NFIA: variants seen among roughly 807,000 people sequenced by gnomAD.
NFIA encodes nuclear factor I A.
A neutral mutation model predicts 62.8 loss-of-function variants in NFIA; 8 were observed. The ratio of observed to expected loss-of-function variants is 0.13; its 90% confidence interval spans 0.07 to 0.23. The LOEUF is 0.23. NFIA is among the 10% of genes least tolerant of loss of function. The probability of loss-of-function intolerance (pLI) is 1.00; values close to 1 mark genes in which losing one functional copy is unlikely to be tolerated. For synonymous variants in NFIA, 235 were observed against 238.1 expected, an observed-to-expected ratio of 0.99 and a Z score of 0.12; for missense variants, 410 against 642.1, an observed-to-expected ratio of 0.64 and a Z score of 3.91.
chr1:61,386,404 C>A (rs1664689306), intron 7 of NFIA, among the ~76,000 whole-genome samples: 1 of 152,142 alleles, frequency 6.6e-6, no homozygotes, highest in Non-Finnish European at 1.5e-5. Context: ...AAAAGAATGT[C>A]CTTTATCAGG....
chr1:61,108,957 T>C (rs1646650211), intron 2 of NFIA, among the ~76,000 whole-genome samples: 2 of 151,764 alleles, frequency 1.3e-5, no homozygotes, highest in South Asian at 4.1e-4. Context: ...ATGAATTAAT[T>C]ATTTTAGGTA....
At chr1:61,080,590 T>C (rs533567887), upstream of NFIA, among the ~76,000 whole-genome samples, 240 of 152,288 alleles carry the variant, frequency 1.6e-3, no homozygotes, top group Admixed American at 4.2e-3. Flanking sequence ...CCAGGGATGT[T>C]GTCTCTGTAA....
intron 1 of NFIA, among the ~76,000 whole-genome samples, chr1:61,086,509 T>A (rs1646221904): frequency 6.6e-6 from 1 of 152,184 alleles, no homozygotes; most frequent in Non-Finnish European, 1.5e-5. Flanking sequence ...GCACACGTGT[T>A]ACAAAAGCTG....
At chr1:61,194,200 A>G (rs1215243450) in intron 2 of NFIA, among the ~76,000 whole-genome samples, 1 of 152,210 alleles carries the variant, frequency 6.6e-6, no homozygotes, top group East Asian at 1.9e-4. Flanking sequence ...TTAAGATGTC[A>G]TAAAAACACT....
intron 2 of NFIA, among the ~76,000 whole-genome samples, chr1:61,241,218 C>T (rs751802229): frequency 1.2e-4 from 19 of 152,068 alleles, no homozygotes; most frequent in Admixed American, 5.9e-4. Flanking sequence ...TGATGTCAAT[C>T]GTGGCTGTGT....
intron 2 of NFIA, among the ~76,000 whole-genome samples, chr1:61,221,219 A>T (rs1233972863): frequency 4.0e-5 from 6 of 151,664 alleles, no homozygotes; most frequent in African/African-American, 7.3e-5. Flanking sequence ...TAAAAATTAC[A>T]TTCTCTATTT....
intron 10 of NFIA, among the ~76,000 whole-genome samples, chr1:61,440,831 G>A (rs1212588958): frequency 3.3e-5 from 5 of 152,034 alleles, no homozygotes; most frequent in Non-Finnish European, 7.4e-5. Context: ...CATGTGCCCT[G>A]TACCATTTTC....
chr1:61,402,033 CTTT>C (rs10636290), intron 7 of NFIA, among the ~76,000 whole-genome samples: 1 of 94,568 alleles, frequency 1.1e-5, no homozygotes, highest in African/African-American at 4.1e-5. Context: ...ACTCATTTTT[CTTT>C]TTTTTTTTTT....
intron 2 of NFIA, among the ~76,000 whole-genome samples, chr1:61,091,847 TTG>T (rs1646326123): frequency 6.6e-6 from 1 of 151,062 alleles, no homozygotes; most frequent in African/African-American, 2.5e-5. Flanking sequence ...TGGAGAGTTG[TTG>T]TTTTTTTTTT....
intron 2 of NFIA, among the ~76,000 whole-genome samples, chr1:61,178,148 C>A (rs1650523489): frequency 6.6e-6 from 1 of 152,114 alleles, no homozygotes. Flanking sequence ...AGCTGAGGTA[C>A]CTGTGGCATT....
Position 61,099,047 on chromosome 1 carries a change from A to G in NFIA, c.559+10367A>G, listed in dbSNP as rs577548208. On this transcript the variant is annotated intron_variant, in intron 2 of 10. Transcript: ENST00000403491. ...GCCCCTGGCCCCAGAAAAGACGACA[A>G]ACATGCAAAATGGATAAATGTAATC... Among the ~76,000 whole-genome samples the G allele has an allele frequency of 1.2e-4, 19 of 152,382 alleles. No homozygotes were observed. In the South Asian group the frequency reaches 2.7e-3, roughly 22 times the overall value.
intron 3 of NFIA, among the ~76,000 whole-genome samples, chr1:61,321,930 C>A (rs1438383370): frequency 6.6e-6 from 1 of 152,134 alleles, no homozygotes; most frequent in Non-Finnish European, 1.5e-5. Context: ...TAATTAAATG[C>A]TACCCTTCCT....
chr1:61,262,963 T>G (rs1342784501), intron 2 of NFIA, among the ~76,000 whole-genome samples: 1 of 152,230 alleles, frequency 6.6e-6, no homozygotes, highest in Non-Finnish European at 1.5e-5. Flanking sequence ...GTTTCACCTT[T>G]AATTCTTGAA....
chr1:61,405,976 C>T (rs1364071419), intron 8 of NFIA, among the ~76,000 whole-genome samples: 1 of 152,146 alleles, frequency 6.6e-6, no homozygotes, highest in East Asian at 1.9e-4. Context: ...TGATGTTATA[C>T]AATATGTGAA....
At chr1:61,312,167 A>G (rs1266951393) in intron 3 of NFIA, among the ~76,000 whole-genome samples, 2 of 152,238 alleles carry the variant, frequency 1.3e-5, no homozygotes, top group Non-Finnish European at 2.9e-5. Flanking sequence ...AAGCCTGCCT[A>G]TGTAGACTTG....
chr1:61,162,573 C>T (rs995893538), intron 2 of NFIA, among the ~76,000 whole-genome samples: 2 of 152,150 alleles, frequency 1.3e-5, no homozygotes, highest in African/African-American at 4.8e-5. Context: ...ACCAGGGTTC[C>T]ACGGGCACTA....
chr1:61,255,459 T>C (rs2100223321), intron 2 of NFIA, among the ~76,000 whole-genome samples: 1 of 152,378 alleles, frequency 6.6e-6, no homozygotes, highest in South Asian at 2.1e-4. Flanking sequence ...TACTTTCTCC[T>C]GACCTTCTAA....
At chr1:61,124,752 C>A (rs1162329611) in intron 2 of NFIA, 1 of 152,166 alleles carries the variant, frequency 6.6e-6, no homozygotes, top group Non-Finnish European at 1.5e-5. Flanking sequence ...TATAATTATT[C>A]CCCTATTTGA....
intron 4 of NFIA, among the ~76,000 whole-genome samples, chr1:61,350,301 T>C (rs1662478744): frequency 6.6e-6 from 1 of 152,106 alleles, no homozygotes; most frequent in Admixed American, 6.6e-5. Flanking sequence ...AACTTGGGAA[T>C]CTGCTGAATT....
Sources: allele counts gnomAD v4.1 joint callset (sites outside exome capture counted in the v4.1 genomes callset), GRCh38; gene constraint gnomAD v4.1.1; transcripts MANE v1.5; gene names NCBI Gene and HGNC (gene_info 2026-07-23, HGNC 2026-07-21).